Variants in LPAR3 observed in about 807,000 individuals in gnomAD.
LPAR3 encodes LPA receptor 3.
LPAR3 carries 7 observed loss-of-function variants against 17.8 expected under a neutral mutation model. The observed-to-expected ratio is 0.39, with a 90% confidence interval of 0.22 to 0.74. LPAR3 has a LOEUF of 0.74. Ranked by LOEUF, LPAR3 falls within the 30% of genes least tolerant of loss-of-function variation. The pLI, the probability that LPAR3 is intolerant of heterozygous loss-of-function variation, is 0.40. For missense variants in LPAR3, 391 were observed against 453.4 expected, an observed-to-expected ratio of 0.86 and a Z score of 1.25; for synonymous variants, 179 against 179.9, an observed-to-expected ratio of 0.99 and a Z score of 0.04.
chr1:84,868,347 T>G (rs1260642067), intron 1 of LPAR3, among the ~76,000 whole-genome samples: 1 of 152,152 alleles, frequency 6.6e-6, no homozygotes, highest in East Asian at 1.9e-4. Flanking sequence ...TGATCTCAGG[T>G]GATCCGCCCA....
At position 84,888,583 on chromosome 1, in the gene LPAR3, TAC is replaced by T. The variant is rs1409838362; in HGVS notation, c.-19+4431_-19+4432del. 9.2e-5 allele frequency among the ~76,000 whole-genome samples: 14 copies of T among 152,344 alleles called. No individual in the cohort carries two copies. In the South Asian group the frequency reaches 2.3e-3, roughly 25 times the overall value. On this transcript the variant is annotated intron_variant, in intron 1 of 2. Transcript: ENST00000370611. ...TGTCTGGGGGCAGCTCCAGAATTTC[TAC>T]AGAGGATGTGCTTCGGGATAGCTTG...
chr1:84,817,554 G>A (rs1044407082), intron 2 of LPAR3, among the ~76,000 whole-genome samples: 17 of 152,246 alleles, frequency 1.1e-4, no homozygotes, highest in South Asian at 1.0e-3. Context: ...GGTCACTGCC[G>A]GGGAGCATCT....
At chr1:84,852,323 C>T (rs1003035248) in intron 2 of LPAR3, among the ~76,000 whole-genome samples, 5 of 152,144 alleles carry the variant, frequency 3.3e-5, no homozygotes, top group African/African-American at 9.7e-5. Context: ...TCGTGATCTG[C>T]CCTCCTCGGC....
chr1:84,829,044 G>C (rs1209018523), intron 2 of LPAR3, among the ~76,000 whole-genome samples: 3 of 150,266 alleles, frequency 2.0e-5, no homozygotes, highest in Non-Finnish European at 4.4e-5. Context: ...CAGCTCCAAG[G>C]GGATATCTTT....
At chr1:84,819,192 G>T (rs1168713935) in intron 2 of LPAR3, among the ~76,000 whole-genome samples, 2 of 152,184 alleles carry the variant, frequency 1.3e-5, no homozygotes, top group Non-Finnish European at 2.9e-5. Flanking sequence ...GGTAGCTATA[G>T]CTTTTGATGT....
intron 1 of LPAR3, among the ~76,000 whole-genome samples, chr1:84,867,164 G>C (rs778230249): frequency 3.9e-5 from 6 of 152,232 alleles, no homozygotes; most frequent in Non-Finnish European, 5.9e-5. Flanking sequence ...TCTTGGCCAA[G>C]GAAGGGCTGG....
chr1:84,871,601 G>A (rs1191226635), intron 1 of LPAR3, among the ~76,000 whole-genome samples: 2 of 152,176 alleles, frequency 1.3e-5, no homozygotes, highest in Admixed American at 1.3e-4. Flanking sequence ...ACTCTATCCA[G>A]ATGGGAGTTG....
intron 2 of LPAR3, among the ~76,000 whole-genome samples, chr1:84,850,875 C>T (rs1659693772): frequency 1.3e-5 from 2 of 152,218 alleles, no homozygotes; most frequent in African/African-American, 4.8e-5. Flanking sequence ...CTTGTAGTTA[C>T]GATCAGCACA....
At chr1:84,889,024 G>A (rs923526898) in intron 1 of LPAR3, among the ~76,000 whole-genome samples, 47 of 152,112 alleles carry the variant, frequency 3.1e-4, no homozygotes, top group African/African-American at 1.1e-3. Flanking sequence ...CAGAATCATG[G>A]GAGTAGGGCA....
chr1:84,813,681 C>T lies in LPAR3; in HGVS notation c.*165G>A. ...CTAAATGCAGCAGGTCCTCTCTTTA[C>T]TGCCCATGCTTTTAAACTATGAAAA... On this transcript the variant is annotated 3_prime_UTR_variant, in exon 3 of 3. Transcript: ENST00000370611. 1 of 600,434 alleles carries T rather than the reference C, an allele frequency of 1.7e-6. No homozygotes were observed. Among genetic ancestry groups the T allele is most frequent in the South Asian group, 2.2e-5 (1 of 45,968 alleles). 37.2% of individuals were successfully genotyped at this position (600,434 alleles called of 1,614,324 possible).
intron 1 of LPAR3, among the ~76,000 whole-genome samples, chr1:84,880,799 T>C (rs1234800816): frequency 6.6e-6 from 1 of 152,172 alleles, no homozygotes; most frequent in Non-Finnish European, 1.5e-5. Context: ...GTACACACTT[T>C]CCACACCCTT....
intron 2 of LPAR3, among the ~76,000 whole-genome samples, chr1:84,821,147 C>CT (rs1272930461): frequency 8.9e-4 from 124 of 139,088 alleles, no homozygotes; most frequent in Admixed American, 1.2e-3. Context: ...CAAACCATTT[C>CT]TTTTTTTTTT....
chr1:84,887,176 G>T (rs897142872), intron 1 of LPAR3, among the ~76,000 whole-genome samples: 2 of 150,810 alleles, frequency 1.3e-5, no homozygotes, highest in Non-Finnish European at 2.9e-5. Flanking sequence ...ACCAGCTTGG[G>T]CACCATGGTG....
At chr1:84,888,981 G>T (rs1021685476) in intron 1 of LPAR3, among the ~76,000 whole-genome samples, 6 of 152,184 alleles carry the variant, frequency 3.9e-5, no homozygotes, top group African/African-American at 1.4e-4. Context: ...CCAGCCTGAG[G>T]TGTACAAATG....
chr1:84,865,461 C>G lies in LPAR3; in HGVS notation c.660G>C (p.Leu220Phe). The G allele has an allele frequency of 7.4e-6, 12 of 1,614,156 alleles. No homozygotes were observed. Among genetic ancestry groups the G allele is most frequent in the Non-Finnish European group, 1.0e-5 (12 of 1,180,044 alleles). ...YVYVKRKTNV[L>F]SPHTSGSISR... is the part of the protein sequence containing the mutation. ...TGATGGACCCACTTGTATGCGGAGA[C>G]AAGACGTTGGTTTTCCTCTTGACGT... The change falls in exon 2 of 3, where the codon TTG (leucine) becomes TTC (phenylalanine). Residue 220 changes from leucine to phenylalanine, a missense_variant. By Grantham distance (22) the Leu-to-Phe change is conservative. Transcript: ENST00000370611.
chr1:84,876,308 T>C (rs1483193697), intron 1 of LPAR3, among the ~76,000 whole-genome samples: 2 of 152,180 alleles, frequency 1.3e-5, no homozygotes, highest in East Asian at 3.8e-4. Flanking sequence ...CACATGCATC[T>C]TCCAGCTCCC....
chr1:84,862,681 A>C (rs1239065138), intron 2 of LPAR3, among the ~76,000 whole-genome samples: 1 of 152,220 alleles, frequency 6.6e-6, no homozygotes, highest in Non-Finnish European at 1.5e-5. Context: ...CAGTTTCAGG[A>C]CCTAGAGGCA....
intron 1 of LPAR3, among the ~76,000 whole-genome samples, chr1:84,892,178 A>G (rs557395363): frequency 6.6e-6 from 1 of 151,882 alleles, no homozygotes; most frequent in East Asian, 1.9e-4. Context: ...GCGCCACTGC[A>G]CTCCAGCCCG....
chr1:84,825,994 T>C (rs1016147667), intron 2 of LPAR3, among the ~76,000 whole-genome samples: 2 of 152,168 alleles, frequency 1.3e-5, no homozygotes, highest in Non-Finnish European at 2.9e-5. Context: ...CATATGGACA[T>C]GACTTTCCTG....
Sources: gnomAD v4.1 joint callset for allele counts (sites outside exome capture counted in the v4.1 genomes callset) on GRCh38, gnomAD v4.1.1 for gene constraint, MANE v1.5 for transcripts, NCBI Gene and HGNC (gene_info 2026-07-23, HGNC 2026-07-21) for gene names.